PPARGC1B: variants seen among roughly 807,000 people sequenced by gnomAD.
PPARGC1B encodes the protein peroxisome proliferator-activated receptor gamma coactivator 1-beta.
In PPARGC1B, 34 loss-of-function variants were observed where a neutral mutation model predicts 101.6. The observed-to-expected ratio is 0.33, with a 90% CI of 0.25 to 0.45. The LOEUF is 0.45. Ranked by LOEUF, PPARGC1B falls within the 20% of genes least tolerant of loss-of-function variation. PPARGC1B has a pLI of 1.00. For synonymous variants in PPARGC1B, 548 were observed against 539.3 expected (o/e 1.02, Z -0.22); for missense variants, 1,234 against 1,317.6 (o/e 0.94, Z 0.98).
chr5:149,797,226 T>C (rs1328636060), intron 1 of PPARGC1B, among the ~76,000 whole-genome samples: 1 of 152,180 alleles, frequency 6.6e-6, no homozygotes, highest in African/African-American at 2.4e-5. Flanking sequence ...TAAAGAACAT[T>C]GACAGTGTGC....
rs749005658 is a variant in PPARGC1B at position 149,846,046 on chromosome 5, G to C, written c.2971+132G>C. 7 of 1,091,354 alleles carry C rather than the reference G, an allele frequency of 6.4e-6. No homozygotes were observed. The South Asian group carries it at 9.5e-5, about 15-fold the overall frequency. The allele number at this position is 1,091,354 out of a possible 1,614,324, so 67.6% of individuals were successfully genotyped here. ...ATCCCCACACCCCAGTGTGCTGCTT[G>C]GTATAACTTTGCAGCCACTTTGCCT... On this transcript the variant is annotated intron_variant, in intron 11 of 11. Transcript: ENST00000309241.
At chr5:149,782,170 C>T (rs746351214) in intron 1 of PPARGC1B, among the ~76,000 whole-genome samples, 2 of 151,946 alleles carry the variant, frequency 1.3e-5, no homozygotes, top group East Asian at 1.9e-4. Context: ...AGCAAAGGCT[C>T]GAGTTGTGGG....
chr5:149,766,660 T>C (rs905541059), intron 1 of PPARGC1B, among the ~76,000 whole-genome samples: 3 of 152,256 alleles, frequency 2.0e-5, no homozygotes, highest in African/African-American at 4.8e-5. Context: ...ATTTCTGCCA[T>C]AGGGCCTGGG....
At chr5:149,797,876 GCACCA>G (rs1450961188) in intron 1 of PPARGC1B, among the ~76,000 whole-genome samples, 1 of 152,140 alleles carries the variant, frequency 6.6e-6, no homozygotes, top group Non-Finnish European at 1.5e-5. Context: ...AGCCGAGATT[GCACCA>G]TTGCACCCAG....
Position 149,834,683 on chromosome 5 carries a change from G to A in PPARGC1B, c.1715G>A (p.Arg572Lys). 1.2e-6 allele frequency: 2 copies of A among 1,613,486 alleles called. No homozygotes were observed. Among genetic ancestry groups the A allele is most frequent in the African/African-American group, 2.7e-5 (2 of 75,038 alleles). Reference protein sequence around the residue: ...CPQLPPRDSPRCLMLALSQSD... With the variant: ...CPQLPPRDSPKCLMLALSQSD... ...TGTGTCTTCTTTTCAGACTCTCCCA[G>A]GTGCCTCATGCTGGCCTTGTCACAA... The change falls in exon 6 of 12, where the codon AGG (arginine) becomes AAG (lysine). Residue 572 changes from arginine to lysine, a missense_variant. Physicochemically the swap from Arg to Lys is conservative, Grantham distance 26 (BLOSUM62 2). Around this residue, in one of 3 missense-constraint regions of PPARGC1B, gnomAD observed 734 missense variants for 768.4 expected, o/e 0.96. Transcript: ENST00000309241.
chr5:149,820,100 G>A (rs369263072), intron 1 of PPARGC1B, among the ~76,000 whole-genome samples: 2 of 152,290 alleles, frequency 1.3e-5, no homozygotes, highest in African/African-American at 4.8e-5. Context: ...GGACATATGT[G>A]TAAAGGATTA....
At chr5:149,817,896 G>T (rs1320624349) in intron 1 of PPARGC1B, 1 of 447,186 alleles carries the variant, frequency 2.2e-6, no homozygotes, top group Non-Finnish European at 4.5e-6. Flanking sequence ...AAAGACATAT[G>T]TCCAAACAAG....
At chr5:149,773,253 C>T (rs78566450) in intron 1 of PPARGC1B, among the ~76,000 whole-genome samples, 1,611 of 152,364 alleles carry the variant, frequency 0.011, 10 homozygotes, top group South Asian at 0.023. Context: ...CTACATGTCT[C>T]TTACTAATCC....
chr5:149,768,171 C>T (rs189347527), intron 1 of PPARGC1B, among the ~76,000 whole-genome samples: 93 of 152,268 alleles, frequency 6.1e-4, no homozygotes, highest in Non-Finnish European at 1.1e-3. Flanking sequence ...TGGCAGTCTC[C>T]GGATATTCCG....
At chr5:149,829,679 G>A (rs75905819) in intron 3 of PPARGC1B, among the ~76,000 whole-genome samples, 4,599 of 145,536 alleles carry the variant, frequency 0.032, 89 homozygotes, top group African/African-American at 0.059. Flanking sequence ...AGCTTTTACA[G>A]TTTTTATAGA....
intron 1 of PPARGC1B, among the ~76,000 whole-genome samples, chr5:149,794,944 G>A (rs1337053287): frequency 6.6e-6 from 1 of 152,208 alleles, no homozygotes; most frequent in Admixed American, 6.5e-5. Flanking sequence ...CCACTGATGT[G>A]TGCCCTTAGT....
intron 1 of PPARGC1B, among the ~76,000 whole-genome samples, chr5:149,814,719 A>G (rs899849393): frequency 2.6e-5 from 4 of 152,260 alleles, no homozygotes; most frequent in African/African-American, 9.6e-5. Flanking sequence ...CAGGGAATCA[A>G]TTTCCAGCAA....
In PPARGC1B at chr5:149,743,027, G is replaced by T. The variant is rs574023100; in HGVS notation, c.78+12607G>T. ...TGGGGGTGCAGAAGAGGATTTATAT[G>T]GGGAGAACATCCATTTATTCAGGGC... On this transcript the variant is annotated intron_variant, in intron 1 of 11. Coordinates refer to ENST00000309241, the MANE Select transcript of PPARGC1B (RefSeq NM_133263.4). 5.3e-5 allele frequency among the ~76,000 whole-genome samples: 8 copies of T among 152,204 alleles called. No homozygotes were observed. In the East Asian group the frequency reaches 5.8e-4, roughly 11 times the overall value.
At position 149,849,834 on chromosome 5, in the gene PPARGC1B, T is replaced by TA. The variant is rs1168072428; in HGVS notation, c.*2277dup. ...GGTAGACGAATGACAGACAGGAACA[T>TA]ATTTGGGGAAGGCAGGGCTTAGGAA... On this transcript the variant is annotated 3_prime_UTR_variant, in exon 12 of 12. Transcript: ENST00000309241. 2.0e-5 allele frequency: 3 copies of TA among 152,104 alleles called. No homozygotes were observed. The highest frequency in any genetic ancestry group is 6.5e-5 in the Admixed American group (1 of 15,278). The allele number at this position is 152,104 out of a possible 1,614,324, so 9.4% of individuals were successfully genotyped here. A position where few individuals can be genotyped will look rare whatever the true frequency, so the allele number is the denominator to read the frequency against.
intron 3 of PPARGC1B, among the ~76,000 whole-genome samples, chr5:149,827,798 G>A (rs1758589411): frequency 6.6e-6 from 1 of 152,222 alleles, no homozygotes; most frequent in Non-Finnish European, 1.5e-5. Flanking sequence ...ATTTTCAAAG[G>A]AGTCTGGAAC....
At chr5:149,841,506 A>G (rs1759333879) in intron 9 of PPARGC1B, among the ~76,000 whole-genome samples, 1 of 152,168 alleles carries the variant, frequency 6.6e-6, no homozygotes, top group Non-Finnish European at 1.5e-5. Flanking sequence ...ATCACTGGCT[A>G]TAACCTGTTT....
chr5:149,804,213 G>A (rs148350007), intron 1 of PPARGC1B, among the ~76,000 whole-genome samples: 164 of 152,354 alleles, frequency 1.1e-3, no homozygotes, highest in African/African-American at 3.7e-3. Flanking sequence ...TAGTGCCTCT[G>A]CGCCTCCACC....
intron 1 of PPARGC1B, among the ~76,000 whole-genome samples, chr5:149,800,114 A>G (rs1757382320): frequency 6.6e-6 from 1 of 152,182 alleles, no homozygotes; most frequent in Admixed American, 6.5e-5. Context: ...TCCCATGCCT[A>G]ACCAACTCCT....
intron 1 of PPARGC1B, among the ~76,000 whole-genome samples, chr5:149,760,185 A>T (rs557075417): frequency 1.3e-5 from 2 of 152,312 alleles, no homozygotes; most frequent in South Asian, 4.1e-4. Context: ...CAGACCACAG[A>T]GGGCCAGCAG....
Sources: gnomAD v4.1 joint callset for allele counts (sites outside exome capture counted in the v4.1 genomes callset) on GRCh38, gnomAD v4.1.1 for gene constraint, gnomAD v4.1.1 regional missense constraint, MANE v1.5 for transcripts, NCBI Gene and HGNC (gene_info 2026-07-23, HGNC 2026-07-21) for gene names.